Variants in PCDHA3 observed in about 807,000 individuals in gnomAD.
PCDHA3 encodes the protein protocadherin alpha 3.
Under a neutral mutation model 62.2 loss-of-function variants are expected in PCDHA3, and 41 were observed. That is an observed-to-expected ratio of 0.66 (90% CI 0.51 to 0.86). The LOEUF is 0.86. Among genes scored for constraint, PCDHA3 ranks in the 40% least tolerant of loss-of-function variants. The pLI, the probability that PCDHA3 is intolerant of heterozygous loss-of-function variation, is 0.00. For synonymous variants in PCDHA3, 640 were observed against 555.4 expected (o/e 1.15, Z -2.14); for missense variants, 1,304 against 1,241.2 (o/e 1.05, Z -0.76).
intron 1 of PCDHA3, chr5:140,807,517 AG>A (rs1763954942): frequency 4.3e-6 from 7 of 1,613,132 alleles, no homozygotes; most frequent in East Asian, 4.5e-5. Flanking sequence ...AGGTGATCGT[AG>A]ACAGGCCGCT....
intron 1 of PCDHA3, chr5:140,823,051 G>A (rs140107313): frequency 6.2e-6 from 10 of 1,614,068 alleles, no homozygotes; most frequent in Non-Finnish European, 8.5e-6. Flanking sequence ...GGTGGTGACC[G>A]CGCGGGACGG....
chr5:140,812,616 C>T (rs181748879), intron 1 of PCDHA3: 1 of 151,802 alleles, frequency 6.6e-6, no homozygotes. Flanking sequence ...TTTACAACTC[C>T]CTTCTTTGTT....
intron 1 of PCDHA3, chr5:140,860,628 G>A (rs1488931314): frequency 6.6e-6 from 1 of 152,206 alleles, no homozygotes; most frequent in African/African-American, 2.4e-5. Flanking sequence ...ACATATGCAG[G>A]AATCAGGAAC....
intron 1 of PCDHA3, chr5:140,828,671 C>T (rs150883390): frequency 1.2e-6 from 2 of 1,614,058 alleles, no homozygotes; most frequent in Non-Finnish European, 8.5e-7. Flanking sequence ...ACAAATTGGG[C>T]TCTTATTAAA....
chr5:140,875,516 TG>T, intron 1 of PCDHA3: 1 of 1,613,976 alleles, frequency 6.2e-7, no homozygotes, highest in Non-Finnish European at 8.5e-7. Context: ...CAGCGTCTGC[TG>T]CTCTCGCTTC....
rs1354024446 is a variant in PCDHA3 at position 140,846,271 on chromosome 5, C to G, written c.2394+42680C>G. Among the ~76,000 whole-genome samples the G allele has an allele frequency of 2.0e-5, 3 of 148,444 alleles. 1 individual carries two copies. The highest frequency in any genetic ancestry group is 3.0e-5 in the Non-Finnish European group (2 of 66,608). Reference sequence around the variant, plus strand: ...TAATGTTTTGATGATGATTTAAAGTCAATTTATGTTGTAGTTCTATGAATT... The same window carrying G: ...TAATGTTTTGATGATGATTTAAAGTGAATTTATGTTGTAGTTCTATGAATT... On this transcript the variant is annotated intron_variant, in intron 1 of 3. Coordinates refer to ENST00000522353, the MANE Select transcript of PCDHA3 (RefSeq NM_018906.3).
chr5:140,829,611 A>G lies in PCDHA3; in HGVS notation c.2394+26020A>G, dbSNP rs1282023154. 6 of 1,612,132 alleles carry G rather than the reference A, an allele frequency of 3.7e-6. No individual in the cohort carries two copies. The East Asian group carries it at 6.7e-5, about 18-fold the overall frequency. On this transcript the variant is annotated intron_variant, in intron 1 of 3. Coordinates refer to ENST00000522353, the MANE Select transcript of PCDHA3 (RefSeq NM_018906.3). ...GTGGGCGAGCGCGCGTTGTCGAGCT[A>G]CATTTCGGTGCACGCGGAGAGCGGC...
At chr5:140,896,116 A>G (rs2065393833) in intron 1 of PCDHA3, among the ~76,000 whole-genome samples, 1 of 152,044 alleles carries the variant, frequency 6.6e-6, no homozygotes, top group Admixed American at 6.6e-5. Context: ...TGGCCAATGT[A>G]CTGCATTTTA....
intron 1 of PCDHA3, among the ~76,000 whole-genome samples, chr5:140,973,118 G>T (rs1554234897): frequency 1.3e-5 from 2 of 152,168 alleles, no homozygotes; most frequent in Non-Finnish European, 2.9e-5. Context: ...TAGCAGAGAT[G>T]AATTAAGTTT....
At chr5:140,936,527 T>G (rs533687361) in intron 1 of PCDHA3, among the ~76,000 whole-genome samples, 3 of 152,368 alleles carry the variant, frequency 2.0e-5, no homozygotes, top group African/African-American at 7.2e-5. Context: ...CTGAAATTGC[T>G]TTTGAATATA....
At position 140,942,589 on chromosome 5, in the gene PCDHA3, T is replaced by A. The variant is rs1444015331; in HGVS notation, c.2395-36360T>A. On this transcript the variant is annotated intron_variant, in intron 1 of 3. Coordinates refer to ENST00000522353, the MANE Select transcript of PCDHA3 (RefSeq NM_018906.3). ...AAATCTTCCCATATAGGATGTCACA[T>A]ATAATTATAGTGTTTATATTTGCCA... Among the ~76,000 whole-genome samples, 4 of 148,934 alleles carry A rather than the reference T, an allele frequency of 2.7e-5. No homozygotes were observed. In the Admixed American group the frequency reaches 2.7e-4, roughly 10 times the overall value.
chr5:140,836,604 T>C (rs2150265296), intron 1 of PCDHA3: 1 of 1,613,700 alleles, frequency 6.2e-7, no homozygotes, highest in African/African-American at 1.3e-5. Flanking sequence ...CACTCTGGTG[T>C]GCTCCAGCGC....
rs1377617778 is a variant in PCDHA3 at position 140,801,248 on chromosome 5, T to A, written c.51T>A (p.Ser17=). The A allele has an allele frequency of 5.0e-6, 8 of 1,613,458 alleles. No individual in the cohort carries two copies. The African/African-American group carries it at 1.1e-4, about 22-fold the overall frequency. The change falls in exon 1 of 4, where the codon TCT becomes TCA. Residue 17 remains serine, a synonymous_variant. Transcript: ENST00000522353. ...EDPGAQCLLL[S]LLLLAASEVG... ...CTGGAGCCCAGTGCCTGCTGCTTTC[T>A]CTTCTGCTCCTCGCAGCCTCGGAGG...
intron 1 of PCDHA3, chr5:140,870,040 A>G: frequency 1.2e-6 from 2 of 1,613,768 alleles, no homozygotes; most frequent in Non-Finnish European, 1.7e-6. Flanking sequence ...TGAAGAAAAC[A>G]AGTTTTATAA....
chr5:140,957,778 A>G (rs1554223119), intron 1 of PCDHA3, among the ~76,000 whole-genome samples: 4 of 152,122 alleles, frequency 2.6e-5, no homozygotes, highest in African/African-American at 9.7e-5. Context: ...AGTAAAAACT[A>G]AGTTCATCAT....
chr5:140,844,012 A>G (rs2150368214), intron 1 of PCDHA3, among the ~76,000 whole-genome samples: 3 of 149,698 alleles, frequency 2.0e-5, no homozygotes, highest in African/African-American at 7.3e-5. Flanking sequence ...TACTCTAAGG[A>G]CGTTCAGGGC....
chr5:140,952,546 C>T (rs1449369285), intron 1 of PCDHA3, among the ~76,000 whole-genome samples: 1 of 152,108 alleles, frequency 6.6e-6, no homozygotes, highest in African/African-American at 2.4e-5. Flanking sequence ...CTTCTTTGTC[C>T]ATTTCACTAT....
intron 1 of PCDHA3, among the ~76,000 whole-genome samples, chr5:140,872,172 T>G (rs912989922): frequency 6.6e-6 from 1 of 152,230 alleles, no homozygotes; most frequent in Non-Finnish European, 1.5e-5. Flanking sequence ...TTTCTTTTTT[T>G]TTTTTACAGT....
At chr5:140,966,865 G>T (rs1554228807) in intron 1 of PCDHA3, 4 of 1,565,172 alleles carry the variant, frequency 2.6e-6, no homozygotes, top group Non-Finnish European at 1.7e-6. Context: ...TGCTGTTGCT[G>T]CTGCTGCTAC....
Sources: gnomAD v4.1 joint callset for allele counts (sites outside exome capture counted in the v4.1 genomes callset) on GRCh38, gnomAD v4.1.1 for gene constraint, MANE v1.5 for transcripts, NCBI Gene and HGNC (gene_info 2026-07-23, HGNC 2026-07-21) for gene names.